CSMD1: variants seen among roughly 807,000 people sequenced by gnomAD.
CSMD1 encodes CUB and sushi domain-containing protein 1.
Under a neutral mutation model 417.5 loss-of-function variants are expected in CSMD1, and 213 were observed. The observed-to-expected ratio is 0.51, with a 90% CI of 0.46 to 0.57. The LOEUF is 0.57. Ranked by LOEUF, CSMD1 falls within the 20% of genes least tolerant of loss-of-function variation. The pLI, the probability that CSMD1 is intolerant of heterozygous loss-of-function variation, is 0.00. For synonymous variants in CSMD1, 2,862 were observed against 1,736.8 expected, an observed-to-expected ratio of 1.65 and a Z score of -16.11; for missense variants, 6,923 against 4,529.7, an observed-to-expected ratio of 1.53 and a Z score of -15.17.
At chr8:4,772,128 C>T (rs6558917) in intron 1 of CSMD1, among the ~76,000 whole-genome samples, 152,261 of 152,266 alleles carry the variant, frequency 1, 76,128 homozygotes, top group Non-Finnish European at 1. Flanking sequence ...TTGGGTCCAC[C>T]GAGAGCAGAA....
intron 37 of CSMD1, among the ~76,000 whole-genome samples, chr8:3,176,102 A>C (rs1436757629): frequency 1.3e-5 from 2 of 152,210 alleles, no homozygotes; most frequent in Admixed American, 1.3e-4. Context: ...TAACTTGGAA[A>C]GACAGAAATA....
intron 7 of CSMD1, among the ~76,000 whole-genome samples, chr8:3,636,447 G>T (rs978463225): frequency 8.5e-5 from 13 of 152,152 alleles, no homozygotes; most frequent in African/African-American, 3.1e-4. Context: ...CACAGTGGTA[G>T]GATTACAGGT....
In CSMD1 at chr8:3,305,178, C is replaced by T. The variant is rs189542340; in HGVS notation, c.3950+2517G>A. Among the ~76,000 whole-genome samples the T allele has an allele frequency of 4.2e-4, 64 of 152,220 alleles. No homozygotes were observed. In the East Asian group the frequency reaches 8.7e-3, roughly 21 times the overall value. On this transcript the variant is annotated intron_variant, in intron 25 of 69. Transcript: ENST00000635120. Reference sequence around the variant, plus strand: ...GGGATGACAGGTGTGAGCCGCTATGCCTGGCCTATTTATTTCCATAGAAAC... The same window carrying T: ...GGGATGACAGGTGTGAGCCGCTATGTCTGGCCTATTTATTTCCATAGAAAC...
chr8:4,991,098 G>A (rs1282638937), intron 1 of CSMD1, among the ~76,000 whole-genome samples: 1 of 152,132 alleles, frequency 6.6e-6, no homozygotes, highest in Non-Finnish European at 1.5e-5. Context: ...CATTCTCATG[G>A]CTGCACATAT....
intron 2 of CSMD1, among the ~76,000 whole-genome samples, chr8:4,423,361 C>T (rs1467692411): frequency 2.0e-5 from 3 of 152,032 alleles, no homozygotes; most frequent in South Asian, 2.1e-4. Context: ...TATCATCAAA[C>T]GTGCAAGGCA....
intron 5 of CSMD1, among the ~76,000 whole-genome samples, chr8:3,964,447 G>C (rs947677916): frequency 6.6e-6 from 1 of 152,106 alleles, no homozygotes; most frequent in African/African-American, 2.4e-5. Context: ...CCAGTGGAAG[G>C]AGACACAGGT....
At chr8:4,831,113 G>C (rs986905770) in intron 1 of CSMD1, among the ~76,000 whole-genome samples, 4 of 152,066 alleles carry the variant, frequency 2.6e-5, no homozygotes, top group African/African-American at 7.2e-5. Flanking sequence ...CTATGCCTTA[G>C]GAAAAAAGAA....
intron 62 of CSMD1, among the ~76,000 whole-genome samples, 196 bp downstream of exon 62, chr8:2,960,945 T>C (rs1369198095): frequency 1.0e-5 from 1 of 99,832 alleles, no homozygotes; most frequent in African/African-American, 5.9e-5. Context: ...GCAAGATATA[T>C]ATATATATAT....
At chr8:2,977,437 C>G (rs1257511176) in intron 55 of CSMD1, among the ~76,000 whole-genome samples, 5 of 152,194 alleles carry the variant, frequency 3.3e-5, no homozygotes, top group Non-Finnish European at 7.3e-5. Context: ...TAATCTCATT[C>G]TTTTTTATGG....
At chr8:4,344,057 G>C (rs1444488885) in intron 3 of CSMD1, among the ~76,000 whole-genome samples, 3 of 152,176 alleles carry the variant, frequency 2.0e-5, no homozygotes, top group African/African-American at 7.2e-5. Context: ...GTATGTGCGT[G>C]TGCGCACACA....
intron 3 of CSMD1, among the ~76,000 whole-genome samples, chr8:4,401,663 T>C (rs1261950037): frequency 6.6e-6 from 1 of 152,114 alleles, no homozygotes; most frequent in Non-Finnish European, 1.5e-5. Flanking sequence ...TCTCATTTTA[T>C]TCTCATCCCA....
Position 3,811,411 on chromosome 8 carries a change from C to T in CSMD1, c.819-57369G>A, listed in dbSNP as rs1176221039. On this transcript the variant is annotated intron_variant, in intron 5 of 69. Transcript: ENST00000635120. The stretch of plus-strand genomic sequence containing the variant: ...CTGATCTATAGACCATGTAGTAAGG[C>T]ATTTGCTTCATGTTCGACTTACTGG... Among the ~76,000 whole-genome samples the T allele has an allele frequency of 2.6e-5, 4 of 152,290 alleles. No homozygotes were observed. In the East Asian group the frequency reaches 5.8e-4, roughly 22 times the overall value.
Position 4,486,200 on chromosome 8 carries a change from CATACATATATATATATAT to C in CSMD1, c.303-66153_303-66136del, listed in dbSNP as rs1801392498. Among the ~76,000 whole-genome samples the C allele has an allele frequency of 4.1e-4, 4 of 9,814 alleles. No homozygotes were observed. In the East Asian group the frequency reaches 9.3e-3, roughly 23 times the overall value. 6.4% of individuals were successfully genotyped at this position (9,814 alleles called of 152,430 possible). On this transcript the variant is annotated intron_variant, in intron 2 of 69. Coordinates refer to ENST00000635120, the MANE Select transcript of CSMD1 (RefSeq NM_033225.6). ...ACATACATATATATATATATATATA[CATACATATATATATATAT>C]ATATATACATACATATATATATATA... is the stretch of plus-strand genomic sequence containing the variant.
chr8:4,678,515 G>C (rs371842428), intron 1 of CSMD1, among the ~76,000 whole-genome samples: 24 of 152,106 alleles, frequency 1.6e-4, no homozygotes, highest in Non-Finnish European at 2.9e-4. Context: ...AGTTACTGTA[G>C]AATTAATGTT....
intron 3 of CSMD1, among the ~76,000 whole-genome samples, chr8:4,261,986 T>C (rs998464495): frequency 6.6e-6 from 1 of 152,208 alleles, no homozygotes; most frequent in Non-Finnish European, 1.5e-5. Flanking sequence ...TGTCATTTCC[T>C]GGGAATGAGT....
chr8:3,297,244 T>G lies in CSMD1; in HGVS notation c.3950+10451A>C, dbSNP rs530002091. Among the ~76,000 whole-genome samples, 100 of 152,230 alleles carry G rather than the reference T, an allele frequency of 6.6e-4. No individual in the cohort carries two copies. In the South Asian group the frequency reaches 0.019, roughly 29 times the overall value. On this transcript the variant is annotated intron_variant, in intron 25 of 69. Coordinates refer to ENST00000635120, the MANE Select transcript of CSMD1 (RefSeq NM_033225.6). ...AGTTCAGTATTATAAAAGATGTCAG[T>G]TTTCCCCAGAATGATCTATTGATGT... is the stretch of plus-strand genomic sequence containing the variant.
rs183543785 is a variant in CSMD1, at chr8:3,023,041, A to C, written c.7856-4391T>G. ...AATATTATCAAGAAAATTCAACTGC[A>C]GGTAGTCCTGAGTGATGTCCAATGT... On this transcript the variant is annotated intron_variant, in intron 51 of 69. Transcript: ENST00000635120. 1.9e-3 allele frequency among the ~76,000 whole-genome samples: 293 copies of C among 152,364 alleles called. 4 individuals are homozygous for C. The highest frequency in any genetic ancestry group is 0.014 in the Middle Eastern group (4 of 294).
rs567222210 is a variant in CSMD1 at position 3,480,952 on chromosome 8, C to A, written c.1449-12128G>T. ...TGAGCGGATCACAAGGTCAGGAGAT[C>A]GAGACTATCCTGGCTAACATAGTGA... On this transcript the variant is annotated intron_variant, in intron 11 of 69. Coordinates refer to ENST00000635120, the MANE Select transcript of CSMD1 (RefSeq NM_033225.6). Among the ~76,000 whole-genome samples, 12 of 151,786 alleles carry A rather than the reference C, an allele frequency of 7.9e-5. 1 individual carries two copies. In the South Asian group the frequency reaches 2.5e-3, roughly 32 times the overall value.
At chr8:3,489,776 G>C (rs527833663) in intron 11 of CSMD1, among the ~76,000 whole-genome samples, 1 of 152,088 alleles carries the variant, frequency 6.6e-6, no homozygotes, top group Non-Finnish European at 1.5e-5. Context: ...ATAGTTTTAG[G>C]CTATTTCATT....
Sources: gnomAD v4.1 joint callset for allele counts (sites outside exome capture counted in the v4.1 genomes callset) on GRCh38, gnomAD v4.1.1 for gene constraint, MANE v1.5 for transcripts, NCBI Gene and HGNC (gene_info 2026-07-23, HGNC 2026-07-21) for gene names.